The following GPC6 variants were observed in gnomAD, a reference collection of about 807,000 sequenced individuals.
The protein encoded by GPC6 is glypican-6.
Under a neutral mutation model 55.2 loss-of-function variants are expected in GPC6, and 14 were observed. The ratio of observed to expected loss-of-function variants is 0.25; its 90% CI spans 0.17 to 0.40. The LOEUF is 0.40. Ranked by LOEUF, GPC6 falls within the 10% of genes least tolerant of loss-of-function variation. The pLI, the probability that GPC6 is intolerant of heterozygous loss-of-function variation, is 1.00. For missense variants in GPC6, 641 were observed against 708.5 expected, an observed-to-expected ratio of 0.90 and a Z score of 1.08; for synonymous variants, 278 against 259.6, an observed-to-expected ratio of 1.07 and a Z score of -0.68.
intron 1 of GPC6, among the ~76,000 whole-genome samples, chr13:93,492,300 A>C (rs1880047407): frequency 7.1e-6 from 1 of 140,326 alleles, no homozygotes; most frequent in Non-Finnish European, 1.6e-5. Flanking sequence ...ATGGGAGTTC[A>C]CTCATGATTT....
chr13:94,119,449 A>AAGAGCAGTG (rs1886549833), intron 4 of GPC6, among the ~76,000 whole-genome samples: 1 of 143,924 alleles, frequency 6.9e-6, no homozygotes, highest in African/African-American at 3.0e-5. Flanking sequence ...AAGGCGGTGA[A>AAGAGCAGTG]GGAGCAATAG....
chr13:94,332,209 G>C (rs1453927336), intron 6 of GPC6, among the ~76,000 whole-genome samples: 1 of 151,424 alleles, frequency 6.6e-6, no homozygotes, highest in Non-Finnish European at 1.5e-5. Context: ...TTTTGGCTTT[G>C]GTTTCTTCCA....
At chr13:93,743,117 A>G (rs997891632) in intron 2 of GPC6, among the ~76,000 whole-genome samples, 4 of 152,316 alleles carry the variant, frequency 2.6e-5, no homozygotes, top group Admixed American at 6.5e-5. Flanking sequence ...AACTTCCAAG[A>G]GTCTATCATG....
chr13:94,062,923 A>G (rs1485775443), intron 4 of GPC6, among the ~76,000 whole-genome samples: 2 of 152,192 alleles, frequency 1.3e-5, no homozygotes, highest in African/African-American at 4.8e-5. Flanking sequence ...TATCTAAGTA[A>G]TTTAGTGGGG....
chr13:93,492,957 C>T (rs1880088070), intron 1 of GPC6, among the ~76,000 whole-genome samples: 1 of 119,254 alleles, frequency 8.4e-6, no homozygotes, highest in Admixed American at 8.9e-5. Context: ...CATCAATGTT[C>T]ATCAAGGATA....
chr13:93,591,356 C>G (rs887143518), intron 2 of GPC6, among the ~76,000 whole-genome samples: 5 of 151,076 alleles, frequency 3.3e-5, no homozygotes, highest in African/African-American at 1.2e-4. Flanking sequence ...CCCAGCTACT[C>G]GGGAGGCTGA....
chr13:94,364,406 T>C (rs928466446), intron 6 of GPC6, among the ~76,000 whole-genome samples: 2 of 152,136 alleles, frequency 1.3e-5, no homozygotes, highest in African/African-American at 4.8e-5. Context: ...AACAGGTAAT[T>C]TACCTCACCG....
chr13:93,502,751 G>A (rs1880568199), intron 1 of GPC6, among the ~76,000 whole-genome samples: 1 of 152,050 alleles, frequency 6.6e-6, no homozygotes, highest in Non-Finnish European at 1.5e-5. Flanking sequence ...AATAAACAAA[G>A]CCCTGATTTG....
intron 5 of GPC6, among the ~76,000 whole-genome samples, chr13:94,294,098 A>G (rs1875181318): frequency 6.6e-6 from 1 of 152,188 alleles, no homozygotes; most frequent in Non-Finnish European, 1.5e-5. Flanking sequence ...ATTTGTGGAA[A>G]TTCCCCAAGG....
chr13:93,848,661 C>T lies in GPC6; in HGVS notation c.711+18116C>T, dbSNP rs79063499. On this transcript the variant is annotated intron_variant, in intron 3 of 8. Transcript: ENST00000377047. ...ATGGACTTTAAATGTCATATTCCTA[C>T]CCTCAAGAGGTTGACAAGTCTGAAG... 8.8e-3 allele frequency among the ~76,000 whole-genome samples: 1,341 copies of T among 152,194 alleles called. 25 individuals carry two copies. The highest frequency in any genetic ancestry group is 0.031 in the African/African-American group (1,279 of 41,514).
At chr13:93,724,568 C>T (rs137865263) in intron 2 of GPC6, among the ~76,000 whole-genome samples, 2 of 152,084 alleles carry the variant, frequency 1.3e-5, no homozygotes, top group Admixed American at 6.6e-5. Flanking sequence ...GCCATGATCT[C>T]AAAGACATCA....
upstream of GPC6, among the ~76,000 whole-genome samples, chr13:93,226,421 CAG>C (rs905619541): frequency 6.6e-6 from 1 of 152,168 alleles, no homozygotes; most frequent in Admixed American, 6.5e-5. Context: ...CAAAGTCAAA[CAG>C]AAATTAGGCA....
chr13:93,932,195 CA>C (rs1394758637), intron 3 of GPC6, among the ~76,000 whole-genome samples: 2 of 152,178 alleles, frequency 1.3e-5, no homozygotes, highest in Non-Finnish European at 2.9e-5. Flanking sequence ...GTGCTGATTG[CA>C]AGGCTAAATT....
intron 5 of GPC6, among the ~76,000 whole-genome samples, chr13:94,293,256 G>T (rs753537690): frequency 1.3e-5 from 2 of 152,150 alleles, no homozygotes; most frequent in Non-Finnish European, 2.9e-5. Flanking sequence ...TGTCATCTCT[G>T]AATTGTAATC....
rs148253218 is a variant in GPC6 at position 93,988,962 on chromosome 13, G to C, written c.712-38767G>C. Among the ~76,000 whole-genome samples, 464 of 152,184 alleles carry C rather than the reference G, an allele frequency of 3.0e-3. 3 individuals are homozygous for C. Among genetic ancestry groups the C allele is most frequent in the African/African-American group, 0.011 (449 of 41,526 alleles). On this transcript the variant is annotated intron_variant, in intron 3 of 8. Coordinates refer to ENST00000377047, the MANE Select transcript of GPC6 (RefSeq NM_005708.5). ...AGATACAAAGATAGATACATAGATA[G>C]GTAGATCAATAATACATGTATTATT...
At chr13:94,051,139 A>G (rs1883934690) in intron 4 of GPC6, among the ~76,000 whole-genome samples, 1 of 152,160 alleles carries the variant, frequency 6.6e-6, no homozygotes. Context: ...GAATATTACT[A>G]GATTGATTGC....
chr13:93,326,456 G>GCA (rs773749351), intron 1 of GPC6, among the ~76,000 whole-genome samples: 4 of 151,436 alleles, frequency 2.6e-5, no homozygotes, highest in South Asian at 2.1e-4. Context: ...ACACGCACAC[G>GCA]CACACACACA....
chr13:93,547,006 T>C (rs1214072121), intron 2 of GPC6, among the ~76,000 whole-genome samples: 1 of 151,978 alleles, frequency 6.6e-6, no homozygotes. Flanking sequence ...TATGGAGAGT[T>C]GACATTTTTA....
intron 2 of GPC6, among the ~76,000 whole-genome samples, chr13:93,567,058 A>C (rs1245190872): frequency 6.6e-6 from 1 of 152,196 alleles, no homozygotes; most frequent in African/African-American, 2.4e-5. Flanking sequence ...AGAATGATTT[A>C]TAATCCTTTG....
Sources: allele counts gnomAD v4.1 joint callset (sites outside exome capture counted in the v4.1 genomes callset), GRCh38; gene constraint gnomAD v4.1.1; transcripts MANE v1.5; gene names NCBI Gene and HGNC (gene_info 2026-07-23, HGNC 2026-07-21).